Variants in SMIM35 observed in about 807,000 individuals in gnomAD.
SMIM35 encodes the protein small integral membrane protein 35.
At position 118,047,166 on chromosome 11, in the gene SMIM35, T is replaced by C. The variant is rs534974455; in HGVS notation, c.8-31357A>G. Among the ~76,000 whole-genome samples, 15 of 152,322 alleles carry C rather than the reference T, an allele frequency of 9.8e-5. No homozygotes were observed. In the East Asian group the frequency reaches 2.5e-3, roughly 25 times the overall value. On this transcript the variant is annotated intron_variant, in intron 1 of 4. Transcript: ENST00000689828. ...CTTGGGAGAAATGACACACACTTTG[T>C]CCTTGTGTCAGTGGCCCACATGTTG...
intron 1 of SMIM35, among the ~76,000 whole-genome samples, chr11:118,074,724 G>A (rs142866539): frequency 0.013 from 1,906 of 149,830 alleles, 43 homozygotes; most frequent in African/African-American, 0.043. Context: ...TCCAGCCTGG[G>A]CAACAGAGGG....
At chr11:118,021,056 T>TC (rs199825753) in intron 1 of SMIM35, among the ~76,000 whole-genome samples, 186 of 151,960 alleles carry the variant, frequency 1.2e-3, no homozygotes, top group African/African-American at 4.4e-3. Flanking sequence ...GGTTTTTTTT[T>TC]TTACTATTTA....
chr11:118,016,241 G>A (rs545410201), intron 1 of SMIM35, among the ~76,000 whole-genome samples: 1 of 152,258 alleles, frequency 6.6e-6, no homozygotes, highest in Admixed American at 6.5e-5. Flanking sequence ...TGCACCCAGT[G>A]GCAGCAGGGT....
At chr11:118,028,321 GC>G (rs2058290946) in intron 1 of SMIM35, among the ~76,000 whole-genome samples, 1 of 152,218 alleles carries the variant, frequency 6.6e-6, no homozygotes, top group South Asian at 2.1e-4. Context: ...AGAAAAACAT[GC>G]CCTAAGGCTC....
At position 118,008,559 on chromosome 11, in the gene SMIM35, T is replaced by C. The variant is rs1343764166; in HGVS notation, c.*34-2183A>G. On this transcript the variant is annotated intron_variant, in intron 4 of 4. Transcript: ENST00000689828. ...TCACGGTTTTGATCATTCCTTAGGTTATCCTTTAAGATAGAAAAATCGTCA... is the reference window on the plus strand; with the variant it reads ...TCACGGTTTTGATCATTCCTTAGGTCATCCTTTAAGATAGAAAAATCGTCA... Among the ~76,000 whole-genome samples the C allele has an allele frequency of 1.7e-4, 26 of 152,248 alleles. 2 individuals are homozygous for C. The highest frequency in any genetic ancestry group is 1.6e-3 in the Admixed American group (25 of 15,278).
Position 118,051,650 on chromosome 11 carries a change from T to C in SMIM35, c.7+35101A>G, listed in dbSNP as rs930929040. Among the ~76,000 whole-genome samples, 3 of 152,200 alleles carry C rather than the reference T, an allele frequency of 2.0e-5. No homozygotes were observed. The East Asian group carries it at 5.8e-4, about 29-fold the overall frequency. Reference sequence around the variant, plus strand: ...GTAACGGTGAGAACTCTCACTACAGTGCAGACAGTGTAACAAGGGCTGCCA... The same window carrying C: ...GTAACGGTGAGAACTCTCACTACAGCGCAGACAGTGTAACAAGGGCTGCCA... On this transcript the variant is annotated intron_variant, in intron 1 of 4. Transcript: ENST00000689828.
chr11:118,008,997 A>G (rs2058136987), intron 4 of SMIM35, among the ~76,000 whole-genome samples: 1 of 152,254 alleles, frequency 6.6e-6, no homozygotes, highest in African/African-American at 2.4e-5. Context: ...TGTATTTAAA[A>G]TCAGCAGAGC....
intron 1 of SMIM35, among the ~76,000 whole-genome samples, chr11:118,084,226 A>G (rs1945371302): frequency 1.3e-5 from 2 of 152,160 alleles, no homozygotes; most frequent in Non-Finnish European, 2.9e-5. Context: ...CCTCAGGCCA[A>G]TGAGCAAACA....
intron 1 of SMIM35, among the ~76,000 whole-genome samples, chr11:118,034,584 C>T (rs951361169): frequency 2.0e-4 from 31 of 152,254 alleles, no homozygotes; most frequent in Middle Eastern, 3.4e-3. Context: ...ATTAGCTGGG[C>T]GTGGTGGTTC....
At chr11:118,032,902 T>G (rs1474732546) in intron 1 of SMIM35, among the ~76,000 whole-genome samples, 1 of 152,182 alleles carries the variant, frequency 6.6e-6, no homozygotes, top group Middle Eastern at 3.2e-3. Context: ...AATGAGACTC[T>G]GTCTCAAAAC....
intron 1 of SMIM35, chr11:118,059,069 G>A (rs190804259): frequency 4.4e-4 from 67 of 152,374 alleles, no homozygotes; most frequent in African/African-American, 1.5e-3. Context: ...CCACACTGGC[G>A]TCTGCACACA....
intron 1 of SMIM35, among the ~76,000 whole-genome samples, chr11:118,021,047 G>GTTTTTTTTTTTTT (rs367714265): frequency 7.1e-5 from 10 of 140,758 alleles, no homozygotes; most frequent in African/African-American, 2.4e-4. Flanking sequence ...ACAGGGTAAG[G>GTTTTTTTTTTTTT]TTTTTTTTTT....
chr11:118,062,231 G>A (rs985157197), intron 1 of SMIM35, among the ~76,000 whole-genome samples: 11 of 152,222 alleles, frequency 7.2e-5, no homozygotes, highest in East Asian at 1.9e-4. Flanking sequence ...TTGGGAGGCC[G>A]AGGCAGGAGA....
At chr11:118,069,574 T>G (rs1328002280) in intron 1 of SMIM35, among the ~76,000 whole-genome samples, 1 of 152,184 alleles carries the variant, frequency 6.6e-6, no homozygotes, top group Non-Finnish European at 1.5e-5. Flanking sequence ...GCTTCATATA[T>G]GCTTTAGAGA....
chr11:118,052,257 C>T (rs1202385029), intron 1 of SMIM35, among the ~76,000 whole-genome samples: 1 of 152,166 alleles, frequency 6.6e-6, no homozygotes, highest in East Asian at 1.9e-4. Flanking sequence ...CAGTTTCCCG[C>T]GTCCGGCCTT....
At chr11:118,011,602 G>A (rs2135015469) in intron 4 of SMIM35, among the ~76,000 whole-genome samples, 1 of 152,290 alleles carries the variant, frequency 6.6e-6, no homozygotes, top group South Asian at 2.1e-4. Context: ...TGAGGCAGGA[G>A]GATCCTTTGA....
At chr11:118,058,056 T>A (rs997690023) in intron 1 of SMIM35, among the ~76,000 whole-genome samples, 3 of 152,238 alleles carry the variant, frequency 2.0e-5, no homozygotes, top group African/African-American at 7.2e-5. Context: ...GTTGACCCTG[T>A]GACCTAGTTG....
At chr11:118,076,365 T>A (rs1335358457) in intron 1 of SMIM35, among the ~76,000 whole-genome samples, 2 of 152,068 alleles carry the variant, frequency 1.3e-5, no homozygotes, top group Non-Finnish European at 1.5e-5. Flanking sequence ...GAGAATTGCT[T>A]GAACCTAGGA....
intron 1 of SMIM35, among the ~76,000 whole-genome samples, chr11:118,028,443 T>C (rs1463894101): frequency 6.7e-6 from 1 of 149,814 alleles, no homozygotes; most frequent in Non-Finnish European, 1.5e-5. Flanking sequence ...CCTGTTTCTT[T>C]ATGTGTCTCT....
Sources: allele counts gnomAD v4.1 joint callset (sites outside exome capture counted in the v4.1 genomes callset), GRCh38; gene constraint gnomAD v4.1.1; transcripts MANE v1.5; gene names NCBI Gene and HGNC (gene_info 2026-07-23, HGNC 2026-07-21).